MTUS2: variants seen among roughly 807,000 people sequenced by gnomAD.
The protein encoded by MTUS2 is microtubule associated scaffold protein 2.
Under a neutral mutation model 114.1 loss-of-function variants are expected in MTUS2, and 40 were observed. The observed-to-expected ratio is 0.35, with a 90% confidence interval of 0.27 to 0.46. The LOEUF (loss-of-function observed/expected upper bound fraction) is 0.46, where lower values mean the gene tolerates loss of function less well. Ranked by LOEUF, MTUS2 falls within the 20% of genes least tolerant of loss-of-function variation. MTUS2 has a pLI of 1.00. For synonymous variants in MTUS2, 688 were observed against 672.0 expected, an observed-to-expected ratio of 1.02 and a Z score of -0.37; for missense variants, 1,679 against 1,705.4, an observed-to-expected ratio of 0.98 and a Z score of 0.27.
intron 2 of MTUS2, among the ~76,000 whole-genome samples, chr13:29,012,740 G>C (rs1187092653): frequency 2.0e-5 from 3 of 152,220 alleles, no homozygotes; most frequent in Admixed American, 6.5e-5. Flanking sequence ...CGGGCATGGT[G>C]GTGGGCGCCT....
chr13:29,476,000 C>T (rs1425139164), intron 9 of MTUS2, among the ~76,000 whole-genome samples: 2 of 152,212 alleles, frequency 1.3e-5, no homozygotes, highest in African/African-American at 4.8e-5. Flanking sequence ...CTGCAGGCTT[C>T]ATTCATGGTA....
At chr13:28,944,557 G>C (rs922844221) in intron 2 of MTUS2, among the ~76,000 whole-genome samples, 1 of 152,148 alleles carries the variant, frequency 6.6e-6, no homozygotes, top group Admixed American at 6.5e-5. Flanking sequence ...ATTTACTTCT[G>C]AGTTATTAGT....
intron 2 of MTUS2, among the ~76,000 whole-genome samples, chr13:28,933,940 T>C (rs1363707854): frequency 1.3e-5 from 2 of 152,350 alleles, no homozygotes; most frequent in East Asian, 1.9e-4. Context: ...GACTTCATGC[T>C]TAGATGGCTG....
chr13:29,276,091 T>C (rs956594030), intron 5 of MTUS2, among the ~76,000 whole-genome samples: 1 of 152,186 alleles, frequency 6.6e-6, no homozygotes, highest in Non-Finnish European at 1.5e-5. Context: ...GAGGTAGGAG[T>C]TCAACTACAT....
chr13:28,874,480 C>G (rs748983256), intron 2 of MTUS2, among the ~76,000 whole-genome samples: 1 of 152,136 alleles, frequency 6.6e-6, no homozygotes, highest in Admixed American at 6.5e-5. Context: ...TAGGATCTCT[C>G]AGACAGTTGT....
At chr13:29,364,885 C>T (rs188287903) in intron 8 of MTUS2, among the ~76,000 whole-genome samples, 2 of 152,302 alleles carry the variant, frequency 1.3e-5, no homozygotes, top group Admixed American at 6.5e-5. Flanking sequence ...ATAAACGATG[C>T]TCTGCGATTA....
At chr13:29,054,476 A>G (rs1274687159) in intron 4 of MTUS2, among the ~76,000 whole-genome samples, 4 of 152,118 alleles carry the variant, frequency 2.6e-5, no homozygotes, top group Non-Finnish European at 5.9e-5. Flanking sequence ...GGCAAATTCA[A>G]ATTTAGAGAT....
At position 29,100,877 on chromosome 13, in the gene MTUS2, G is replaced by T; in HGVS notation, c.2551G>T (p.Ala851Ser). Residue 851 changes from alanine to serine, a missense_variant, in exon 5 of 16, where the codon GCA becomes TCA. Around this residue, in one of 3 missense-constraint regions of MTUS2, gnomAD observed 822 missense variants for 899.7 expected, o/e 0.91. Transcript: ENST00000612955. ...ACGTCTCCCGGCAGCCAAACTGGCG[G>T]CATTTGGCTTTGTCCGGAGCTCCAG... is the stretch of plus-strand genomic sequence containing the variant. ...YSRLPAAKLA[A>S]FGFVRSSSVS... The T allele has an allele frequency of 6.4e-7, 1 of 1,561,298 alleles. No homozygotes were observed. The highest frequency in any genetic ancestry group is 8.7e-7 in the Non-Finnish European group (1 of 1,152,436).
intron 8 of MTUS2, among the ~76,000 whole-genome samples, chr13:29,364,328 C>T (rs182104935): frequency 2.1e-4 from 32 of 152,086 alleles, no homozygotes; most frequent in Middle Eastern, 3.4e-3. Context: ...CGTATTGGGA[C>T]GAGAACACCC....
At chr13:28,852,950 T>TACAA (rs1331251305) in intron 2 of MTUS2, among the ~76,000 whole-genome samples, 1 of 119,756 alleles carries the variant, frequency 8.4e-6, no homozygotes, top group East Asian at 2.2e-4. Flanking sequence ...CTGTCTTAAA[T>TACAA]ACATACATAC....
intron 5 of MTUS2, among the ~76,000 whole-genome samples, chr13:29,151,365 C>G (rs1892657709): frequency 6.6e-6 from 1 of 152,000 alleles, no homozygotes; most frequent in Non-Finnish European, 1.5e-5. Context: ...TATAAAAATA[C>G]CACCGGTTTT....
intron 5 of MTUS2, among the ~76,000 whole-genome samples, chr13:29,260,250 G>T (rs558269454): frequency 6.6e-6 from 1 of 152,296 alleles, no homozygotes; most frequent in African/African-American, 2.4e-5. Flanking sequence ...GAAATCAGTT[G>T]CTATTTATGT....
intron 8 of MTUS2, among the ~76,000 whole-genome samples, chr13:29,364,338 C>T (rs186828869): frequency 4.4e-4 from 67 of 152,138 alleles, no homozygotes; most frequent in Admixed American, 1.6e-3. Context: ...CGAGAACACC[C>T]GATGCCTGCT....
At chr13:29,201,444 G>A (rs774399604) in intron 5 of MTUS2, among the ~76,000 whole-genome samples, 13 of 151,960 alleles carry the variant, frequency 8.6e-5, no homozygotes, top group Admixed American at 5.2e-4. Context: ...ACACCAATGA[G>A]TCTTGACTCT....
chr13:28,930,642 G>A (rs1881565988), intron 2 of MTUS2, among the ~76,000 whole-genome samples: 2 of 152,206 alleles, frequency 1.3e-5, no homozygotes, highest in African/African-American at 2.4e-5. Context: ...GGCACTGATA[G>A]GAGGTTTTAA....
intron 6 of MTUS2, among the ~76,000 whole-genome samples, chr13:29,303,618 C>T (rs995171422): frequency 6.6e-6 from 1 of 152,106 alleles, no homozygotes; most frequent in African/African-American, 2.4e-5. Context: ...AACAAAACCT[C>T]TGAAAAATAT....
At chr13:28,978,144 A>C (rs1375733789) in intron 2 of MTUS2, among the ~76,000 whole-genome samples, 1 of 152,144 alleles carries the variant, frequency 6.6e-6, no homozygotes, top group East Asian at 1.9e-4. Flanking sequence ...TTCTTTAACC[A>C]CTTTTATTGC....
chr13:29,348,384 C>CA, intron 7 of MTUS2, among the ~76,000 whole-genome samples: 1 of 120,038 alleles, frequency 8.3e-6, no homozygotes, highest in East Asian at 2.9e-4. Context: ...AGCTCTGTGT[C>CA]AGAAGTTGGG....
At chr13:28,889,643 G>A (rs951480383) in intron 2 of MTUS2, among the ~76,000 whole-genome samples, 7 of 152,080 alleles carry the variant, frequency 4.6e-5, no homozygotes, top group African/African-American at 1.4e-4. Flanking sequence ...AAAGAAGAGG[G>A]ATTTTTTTTT....
Sources: gnomAD v4.1 joint callset for allele counts (sites outside exome capture counted in the v4.1 genomes callset) on GRCh38, gnomAD v4.1.1 for gene constraint, gnomAD v4.1.1 regional missense constraint, MANE v1.5 for transcripts, NCBI Gene and HGNC (gene_info 2026-07-23, HGNC 2026-07-21) for gene names.